Variants in MMP16 observed in about 807,000 individuals in gnomAD.
The protein encoded by MMP16 is matrix metallopeptidase 16.
Under a neutral mutation model 67.8 loss-of-function variants are expected in MMP16, and 12 were observed. The ratio of observed to expected loss-of-function variants is 0.18; its 90% CI spans 0.11 to 0.29. The LOEUF (loss-of-function observed/expected upper bound fraction) is 0.29, where lower values mean the gene tolerates loss of function less well. Among genes scored for constraint, MMP16 ranks in the 10% least tolerant of loss-of-function variants. The pLI is 1.00. For synonymous variants in MMP16, 249 were observed against 255.9 expected (o/e 0.97, Z 0.26); for missense variants, 475 against 765.7 (o/e 0.62, Z 4.48).
intron 1 of MMP16, among the ~76,000 whole-genome samples, chr8:88,265,291 T>C (rs926487251): frequency 2.9e-5 from 4 of 135,752 alleles, no homozygotes; most frequent in Non-Finnish European, 4.6e-5. Flanking sequence ...AGACCACTAA[T>C]TTGGCAGAAA....
At chr8:88,239,804 C>G (rs961056252) in intron 1 of MMP16, among the ~76,000 whole-genome samples, 1 of 152,080 alleles carries the variant, frequency 6.6e-6, no homozygotes, top group Non-Finnish European at 1.5e-5. Context: ...AAATAAAAGT[C>G]AAAAATTAAC....
intron 1 of MMP16, among the ~76,000 whole-genome samples, chr8:88,292,365 C>T (rs769049039): frequency 1.3e-5 from 2 of 152,168 alleles, no homozygotes; most frequent in African/African-American, 4.8e-5. Context: ...TATACAAATA[C>T]CGCATTCAAC....
intron 1 of MMP16, among the ~76,000 whole-genome samples, chr8:88,304,891 A>C (rs1811189758): frequency 6.6e-6 from 1 of 152,242 alleles, no homozygotes; most frequent in Non-Finnish European, 1.5e-5. Context: ...CACATAAACA[A>C]GTCTGCAAAA....
At chr8:88,205,939 G>A (rs1049857676) in intron 1 of MMP16, among the ~76,000 whole-genome samples, 1 of 151,336 alleles carries the variant, frequency 6.6e-6, no homozygotes, top group African/African-American at 2.4e-5. Flanking sequence ...CCTCATCATC[G>A]ATATCCAATC....
At chr8:88,294,257 C>T (rs141025271) in intron 1 of MMP16, among the ~76,000 whole-genome samples, 32 of 149,030 alleles carry the variant, frequency 2.1e-4, no homozygotes, top group African/African-American at 7.4e-4. Flanking sequence ...CATATATAGA[C>T]ATGTGTGTAT....
intron 9 of MMP16, among the ~76,000 whole-genome samples, chr8:88,042,113 C>T (rs747751883): frequency 5.3e-5 from 8 of 152,124 alleles, no homozygotes; most frequent in African/African-American, 1.4e-4. Context: ...TCTTTTTGCT[C>T]GCTTACAGGA....
At chr8:88,131,314 C>T in intron 4 of MMP16, among the ~76,000 whole-genome samples, 1 of 150,982 alleles carries the variant, frequency 6.6e-6, no homozygotes. Flanking sequence ...TAAATTTCAT[C>T]ACCTAAACTA....
chr8:88,067,054 C>A (rs1331239684), intron 7 of MMP16, among the ~76,000 whole-genome samples: 1 of 151,926 alleles, frequency 6.6e-6, no homozygotes, highest in Non-Finnish European at 1.5e-5. Context: ...AAATTGAGAT[C>A]ATAGAATATT....
chr8:88,093,676 T>G (rs1419840460), intron 6 of MMP16, among the ~76,000 whole-genome samples: 1 of 151,890 alleles, frequency 6.6e-6, no homozygotes, highest in African/African-American at 2.4e-5. Context: ...ACATAAATGA[T>G]GGATGATATT....
intron 4 of MMP16, among the ~76,000 whole-genome samples, chr8:88,137,458 A>ATTTT (rs1340244048): frequency 6.6e-6 from 1 of 151,874 alleles, no homozygotes; most frequent in Non-Finnish European, 1.5e-5. Flanking sequence ...TGCCAATTTT[A>ATTTT]TTTTTATTCT....
At chr8:88,217,566 C>G (rs561172525) in intron 1 of MMP16, among the ~76,000 whole-genome samples, 2 of 152,092 alleles carry the variant, frequency 1.3e-5, no homozygotes, top group African/African-American at 4.8e-5. Flanking sequence ...CTGGCTTCAT[C>G]ATCTTAAACC....
At chr8:88,089,863 A>T (rs1808904775) in intron 6 of MMP16, among the ~76,000 whole-genome samples, 1 of 152,040 alleles carries the variant, frequency 6.6e-6, no homozygotes, top group Admixed American at 6.6e-5. Flanking sequence ...ATTAAAAAAA[A>T]ATCAGATTAG....
chr8:88,126,722 C>T (rs556245080), intron 4 of MMP16, among the ~76,000 whole-genome samples: 43 of 151,722 alleles, frequency 2.8e-4, no homozygotes, highest in Non-Finnish European at 5.0e-4. Context: ...AAAGACATAC[C>T]GTATTTAAAG....
At chr8:88,073,020 G>A (rs1038725422) in intron 7 of MMP16, among the ~76,000 whole-genome samples, 6 of 152,118 alleles carry the variant, frequency 3.9e-5, no homozygotes, top group Non-Finnish European at 7.4e-5. Flanking sequence ...TTATGACTGT[G>A]GCAGTTTCGC....
chr8:88,208,766 G>A (rs1012183748), intron 1 of MMP16, among the ~76,000 whole-genome samples: 8 of 144,292 alleles, frequency 5.5e-5, no homozygotes, highest in Admixed American at 3.6e-4. Flanking sequence ...TGACTTCACA[G>A]GATTTATGAT....
intron 3 of MMP16, among the ~76,000 whole-genome samples, chr8:88,173,576 A>G (rs1423953225): frequency 6.6e-6 from 1 of 152,198 alleles, no homozygotes; most frequent in East Asian, 1.9e-4. Context: ...TATCGGTTAA[A>G]TAGAATTTAC....
intron 4 of MMP16, among the ~76,000 whole-genome samples, chr8:88,155,394 C>T (rs1437875517): frequency 6.6e-6 from 1 of 151,844 alleles, no homozygotes. Context: ...TTTTTTCCTG[C>T]ATAGTGATAT....
chr8:88,326,976 C>T, intron 1 of MMP16, 99 bp downstream of exon 1: 1 of 1,501,800 alleles, frequency 6.7e-7, no homozygotes, highest in Middle Eastern at 1.8e-4. Flanking sequence ...CGTGCTGGGA[C>T]CCAGGCTGCT....
In MMP16 at chr8:88,040,537, T is replaced by A. The variant is rs1808117153; in HGVS notation, c.*924A>T. 1 of 152,428 alleles carries A rather than the reference T, an allele frequency of 6.6e-6. No individual in the cohort carries two copies. Among genetic ancestry groups the A allele is most frequent in the Non-Finnish European group, 1.5e-5 (1 of 68,042 alleles). The allele number at this position is 152,428 out of a possible 1,614,324, so 9.4% of individuals were successfully genotyped here. On this transcript the variant is annotated 3_prime_UTR_variant, in exon 10 of 10. Transcript: ENST00000286614. ...TTCAGAGACATACTGCTTCTTGCTCTGCTTTGTAACGAATATTCCTGACAG... is the reference window on the plus strand; with the variant it reads ...TTCAGAGACATACTGCTTCTTGCTCAGCTTTGTAACGAATATTCCTGACAG...
Sources: gnomAD v4.1 joint callset for allele counts (sites outside exome capture counted in the v4.1 genomes callset) on GRCh38, gnomAD v4.1.1 for gene constraint, MANE v1.5 for transcripts, NCBI Gene and HGNC (gene_info 2026-07-23, HGNC 2026-07-21) for gene names.